The following TRPC4 variants were observed in gnomAD, a reference collection of about 807,000 sequenced individuals.
The protein encoded by TRPC4 is short transient receptor potential channel 4.
Under a neutral mutation model 99.4 loss-of-function variants are expected in TRPC4, and 49 were observed. The observed-to-expected ratio is 0.49, with a 90% CI of 0.39 to 0.63. TRPC4 has a LOEUF of 0.63. TRPC4 is among the 20% of genes least tolerant of loss of function. The pLI, the probability that TRPC4 is intolerant of heterozygous loss-of-function variation, is 0.00. For missense variants in TRPC4, 898 were observed against 1,152.9 expected (o/e 0.78, Z 3.20); for synonymous variants, 454 against 425.9 (o/e 1.07, Z -0.81).
chr13:37,694,769 G>A (rs1323406846), intron 3 of TRPC4, among the ~76,000 whole-genome samples: 7 of 152,114 alleles, frequency 4.6e-5, no homozygotes, highest in Non-Finnish European at 1.0e-4. Flanking sequence ...ATTATGGAGA[G>A]GACTAAGAAG....
chr13:37,760,398 A>C (rs1033074203), intron 2 of TRPC4, among the ~76,000 whole-genome samples: 1 of 151,968 alleles, frequency 6.6e-6, no homozygotes. Flanking sequence ...CCTTTTGTAA[A>C]ATTGAACTGT....
At chr13:37,649,736 A>C in intron 8 of TRPC4, among the ~76,000 whole-genome samples, 1 of 32,984 alleles carries the variant, frequency 3.0e-5, no homozygotes, top group African/African-American at 1.5e-4. Flanking sequence ...CGTCTCAAAA[A>C]AAAAAAAAAA....
rs1555276066 is a variant in TRPC4 at position 37,812,180 on chromosome 13, A to AAAAAAAAACAAACAAAC, written c.-27-28821_-27-28820insGTTTGTTTGTTTTTTTT. 5.5e-5 allele frequency among the ~76,000 whole-genome samples: 8 copies of AAAAAAAAACAAACAAAC among 145,728 alleles called. 1 individual carries two copies. The highest frequency in any genetic ancestry group is 2.1e-4 in the African/African-American group (8 of 38,462). On this transcript the variant is annotated intron_variant, in intron 1 of 10. Transcript: ENST00000379705. ...GGCAACAGACTGAGACTCTATCAAA[A>AAAAAAAAACAAACAAAC]AAAAAAAAAAAAAAACCAGGAGATC...
At position 37,636,965 on chromosome 13, in the gene TRPC4, C is replaced by A; in HGVS notation, c.2872G>T (p.Asp958Tyr). 1 of 1,613,618 alleles carries A rather than the reference C, an allele frequency of 6.2e-7. No individual in the cohort carries two copies. The highest frequency in any genetic ancestry group is 8.5e-7 in the Non-Finnish European group (1 of 1,179,686). ...KHAKEEDSSI[D>Y]YDLNLPDTVT... ...GTGTCTGGGAGGTTTAGATCATAGT[C>A]TATACTAGAGTCCTCTTCTTTTGCA... Residue 958 changes from aspartate to tyrosine, a missense_variant, in exon 11 of 11, where the codon GAC (aspartate) becomes TAC (tyrosine). Around this residue, in one of 3 missense-constraint regions of TRPC4, gnomAD observed 346 missense variants for 351.4 expected, o/e 0.98. Coordinates refer to ENST00000379705, the MANE Select transcript of TRPC4 (RefSeq NM_016179.4).
At chr13:37,801,254 T>A (rs960583329) in intron 1 of TRPC4, among the ~76,000 whole-genome samples, 26 of 152,160 alleles carry the variant, frequency 1.7e-4, no homozygotes, top group Admixed American at 9.8e-4. Flanking sequence ...AAAGTCAGCA[T>A]CCCTCTCCTC....
intron 7 of TRPC4, among the ~76,000 whole-genome samples, chr13:37,652,283 A>T (rs1171096499): frequency 6.6e-6 from 1 of 152,260 alleles, no homozygotes; most frequent in African/African-American, 2.4e-5. Flanking sequence ...AGAATTCAGA[A>T]TAGTTCATTG....
At chr13:37,859,091 AT>A (rs1372216543) in intron 1 of TRPC4, among the ~76,000 whole-genome samples, 1 of 151,580 alleles carries the variant, frequency 6.6e-6, no homozygotes, top group Non-Finnish European at 1.5e-5. Context: ...AAAATAAAAA[AT>A]ATACAAAATG....
chr13:37,673,793 C>T (rs1250676785), intron 5 of TRPC4, among the ~76,000 whole-genome samples: 1 of 152,120 alleles, frequency 6.6e-6, no homozygotes, highest in African/African-American at 2.4e-5. Context: ...TTAGTTTATA[C>T]TGAAATAATA....
intron 2 of TRPC4, 115 bp from the exon 3 acceptor site, chr13:37,746,570 T>C (rs568537094): frequency 8.3e-7 from 1 of 1,198,768 alleles, no homozygotes; most frequent in African/African-American, 1.6e-5. Context: ...TGGCCGGGTT[T>C]TTTTTTTTTT....
At chr13:37,711,029 A>G (rs1212982755) in intron 3 of TRPC4, among the ~76,000 whole-genome samples, 4 of 151,982 alleles carry the variant, frequency 2.6e-5, no homozygotes, top group Non-Finnish European at 5.9e-5. Flanking sequence ...GTAACCACAA[A>G]ACAAAGTCTA....
intron 8 of TRPC4, among the ~76,000 whole-genome samples, chr13:37,646,178 C>A (rs1951856218): frequency 6.6e-6 from 1 of 152,188 alleles, no homozygotes; most frequent in Non-Finnish European, 1.5e-5. Flanking sequence ...ATTTCTGGGG[C>A]AGCTAGTCAG....
intron 4 of TRPC4, among the ~76,000 whole-genome samples, chr13:37,689,916 A>C (rs1448506280): frequency 6.6e-6 from 1 of 152,236 alleles, no homozygotes; most frequent in Non-Finnish European, 1.5e-5. Context: ...TTGTATCACT[A>C]TCATCCTTCA....
At chr13:37,805,052 T>C (rs751399073) in intron 1 of TRPC4, among the ~76,000 whole-genome samples, 9 of 152,064 alleles carry the variant, frequency 5.9e-5, no homozygotes, top group Non-Finnish European at 1.2e-4. Context: ...AAATCGGTGA[T>C]AAAATTTCAG....
At chr13:37,766,755 C>A (rs1336926573) in intron 2 of TRPC4, among the ~76,000 whole-genome samples, 2 of 151,396 alleles carry the variant, frequency 1.3e-5, no homozygotes, top group African/African-American at 4.8e-5. Context: ...CACGAACTAG[C>A]CACATGGCCT....
intron 2 of TRPC4, among the ~76,000 whole-genome samples, chr13:37,760,017 T>C (rs1425761411): frequency 1.3e-5 from 2 of 152,030 alleles, no homozygotes; most frequent in Non-Finnish European, 2.9e-5. Flanking sequence ...TAATGTTGTA[T>C]GTATCATTCC....
chr13:37,865,558 C>T (rs1443445749), intron 1 of TRPC4, among the ~76,000 whole-genome samples: 2 of 151,678 alleles, frequency 1.3e-5, no homozygotes, highest in Non-Finnish European at 3.0e-5. Context: ...TGCTTCAAAA[C>T]TGATGGAACT....
chr13:37,714,143 T>C (rs1954582566), intron 3 of TRPC4, among the ~76,000 whole-genome samples: 1 of 151,784 alleles, frequency 6.6e-6, no homozygotes, highest in African/African-American at 2.4e-5. Flanking sequence ...CTTTTCTCTC[T>C]CTTTTTTTTG....
At chr13:37,725,099 A>G (rs1024256473) in intron 3 of TRPC4, among the ~76,000 whole-genome samples, 1 of 152,158 alleles carries the variant, frequency 6.6e-6, no homozygotes, top group African/African-American at 2.4e-5. Context: ...TCTAGAGCTG[A>G]AGTGAAAAAA....
rs531318688 is a variant in TRPC4 at position 37,671,635 on chromosome 13, C to A, written c.1374+2593G>T. ...TATTCTGTAATAGGCACTTTAAATA[C>A]ATCAACTCATTTACTTCTCATGCCA... On this transcript the variant is annotated intron_variant, in intron 5 of 10. Transcript: ENST00000379705. Among the ~76,000 whole-genome samples the A allele has an allele frequency of 3.3e-5, 5 of 150,968 alleles. No homozygotes were observed. In the South Asian group the frequency reaches 1.0e-3, roughly 31 times the overall value.
Sources: allele counts gnomAD v4.1 joint callset (sites outside exome capture counted in the v4.1 genomes callset), GRCh38; gene constraint gnomAD v4.1.1; regional missense constraint gnomAD v4.1.1; transcripts MANE v1.5; gene names NCBI Gene and HGNC (gene_info 2026-07-23, HGNC 2026-07-21).